YIPF7: variants seen among roughly 807,000 people sequenced by gnomAD.
YIPF7 encodes the protein Yip1 domain family member 7.
A neutral mutation model predicts 27.2 loss-of-function variants in YIPF7; 35 were observed. The ratio of observed to expected loss-of-function variants is 1.29; its 90% CI spans 0.98 to 1.70. YIPF7 has a LOEUF of 1.70. Among genes scored for constraint, YIPF7 ranks in the 40% most tolerant of loss-of-function variants. The pLI is 0.00. For missense variants in YIPF7, 358 were observed against 303.7 expected (o/e 1.18, Z -1.33); for synonymous variants, 137 against 110.4 (o/e 1.24, Z -1.51).
upstream of YIPF7, chr4:44,651,640 A>C: frequency 6.4e-7 from 1 of 1,563,946 alleles, no homozygotes; most frequent in South Asian, 1.2e-5. Flanking sequence ...AAAAGATGAC[A>C]TGCTGGCTAT....
At chr4:44,657,419 A>C (rs1306951048) in intron 2 of YIPF7, among the ~76,000 whole-genome samples, 1 of 152,206 alleles carries the variant, frequency 6.6e-6, no homozygotes, top group Non-Finnish European at 1.5e-5. Context: ...AATACAATTG[A>C]ATCTTCTTTT....
chr4:44,659,182 C>T (rs950264148), intron 2 of YIPF7, among the ~76,000 whole-genome samples: 3 of 151,936 alleles, frequency 2.0e-5, no homozygotes, highest in African/African-American at 7.2e-5. Context: ...AGAGCCACAG[C>T]GTACTGGGGT....
At chr4:44,629,321 C>A in intron 4 of YIPF7, 82 bp downstream of exon 4, 1 of 1,327,562 alleles carries the variant, frequency 7.5e-7, no homozygotes, top group Non-Finnish European at 9.7e-7. Context: ...GACACAGTTT[C>A]TCTTATATTT....
chr4:44,634,508 G>A (rs140895117), intron 3 of YIPF7, among the ~76,000 whole-genome samples: 464 of 151,950 alleles, frequency 3.1e-3, no homozygotes, highest in African/African-American at 9.6e-3. Context: ...CTCCAGCCTC[G>A]GCAACAGAGT....
chr4:44,639,267 A>G (rs555006482), intron 2 of YIPF7, among the ~76,000 whole-genome samples: 2 of 152,258 alleles, frequency 1.3e-5, no homozygotes, highest in South Asian at 2.1e-4. Context: ...CATTGAATCT[A>G]TAGATTGCTT....
chr4:44,625,303 C>T (rs1264034201), intron 4 of YIPF7, among the ~76,000 whole-genome samples: 1 of 152,158 alleles, frequency 6.6e-6, no homozygotes, highest in East Asian at 1.9e-4. Context: ...CAACTTTACA[C>T]ATGAGGAAAC....
At chr4:44,652,687 G>A (rs1300117816), upstream of YIPF7, among the ~76,000 whole-genome samples, 3 of 152,102 alleles carry the variant, frequency 2.0e-5, no homozygotes, top group Non-Finnish European at 2.9e-5. Flanking sequence ...AGATGCCAGG[G>A]TTTCAGAAAC....
At chr4:44,661,228 G>A (rs1315261738) in intron 1 of YIPF7, among the ~76,000 whole-genome samples, 1 of 152,198 alleles carries the variant, frequency 6.6e-6, no homozygotes, top group Non-Finnish European at 1.5e-5. Context: ...ATAAACTGAA[G>A]GTTGTGACTA....
intron 5 of YIPF7, among the ~76,000 whole-genome samples, chr4:44,624,105 G>A (rs1156772669): frequency 2.2e-5 from 3 of 137,606 alleles, no homozygotes; most frequent in African/African-American, 8.3e-5. Flanking sequence ...CACTCTTGTT[G>A]CCCAGGCTGG....
chr4:44,638,733 T>C (rs1431046258), intron 2 of YIPF7, among the ~76,000 whole-genome samples: 2 of 152,246 alleles, frequency 1.3e-5, no homozygotes, highest in African/African-American at 4.8e-5. Flanking sequence ...TTGTTTCCTA[T>C]GCTTTTGAGG....
At chr4:44,645,542 T>C (rs1354936638) in intron 2 of YIPF7, among the ~76,000 whole-genome samples, 3 of 152,198 alleles carry the variant, frequency 2.0e-5, no homozygotes, top group African/African-American at 4.8e-5. Context: ...AATAAGACTT[T>C]TGCAGAATAT....
chr4:44,651,782 T>A, upstream of YIPF7: 1 of 446,612 alleles, frequency 2.2e-6, no homozygotes, highest in Non-Finnish European at 3.9e-6. Flanking sequence ...TGAACAGTGT[T>A]ACAGACTTAC....
At chr4:44,649,894 T>A in intron 2 of YIPF7, 91 bp downstream of exon 2, 1 of 735,684 alleles carries the variant, frequency 1.4e-6, no homozygotes, top group Non-Finnish European at 2.2e-6. Flanking sequence ...TCAACTTTCA[T>A]AATAACTACA....
At chr4:44,648,602 T>G (rs1189386067) in intron 2 of YIPF7, among the ~76,000 whole-genome samples, 3 of 152,236 alleles carry the variant, frequency 2.0e-5, no homozygotes, top group East Asian at 3.9e-4. Flanking sequence ...AGAAAAAAAT[T>G]CCAAGAATGC....
intron 1 of YIPF7, chr4:44,660,649 T>C (rs1358498427): frequency 6.6e-6 from 1 of 152,216 alleles, no homozygotes; most frequent in African/African-American, 2.4e-5. Context: ...GGAATGATTG[T>C]TGTGAGTCAC....
intron 2 of YIPF7, among the ~76,000 whole-genome samples, chr4:44,643,439 T>G (rs189937773): frequency 7.9e-5 from 12 of 151,568 alleles, no homozygotes; most frequent in Admixed American, 7.9e-4. Context: ...TGAACCAGAG[T>G]GTAAAAGTTA....
At chr4:44,658,873 G>A (rs906056138) in intron 2 of YIPF7, among the ~76,000 whole-genome samples, 16 of 152,244 alleles carry the variant, frequency 1.1e-4, no homozygotes, top group African/African-American at 2.9e-4. Context: ...TCCATGATTC[G>A]ATTATCTTCA....
intron 2 of YIPF7, among the ~76,000 whole-genome samples, chr4:44,636,859 T>TAACATTCA (rs1713142073): frequency 6.6e-6 from 1 of 152,148 alleles, no homozygotes; most frequent in African/African-American, 2.4e-5. Context: ...AAAACCCAAA[T>TAACATTCA]AACATTCATT....
intron 2 of YIPF7, among the ~76,000 whole-genome samples, 199 bp from the exon 3 acceptor site, chr4:44,636,284 C>T (rs1245726489): frequency 6.6e-6 from 1 of 152,132 alleles, no homozygotes; most frequent in African/African-American, 2.4e-5. Flanking sequence ...GAAAAATAAT[C>T]CACGCCAATA....
Sources: gnomAD v4.1 joint callset for allele counts (sites outside exome capture counted in the v4.1 genomes callset) on GRCh38, gnomAD v4.1.1 for gene constraint, MANE v1.5 for transcripts, NCBI Gene and HGNC (gene_info 2026-07-23, HGNC 2026-07-21) for gene names.